Variants in CNTN1 observed in about 807,000 individuals in gnomAD.
The protein encoded by CNTN1 is contactin-1.
In CNTN1, 38 loss-of-function variants were observed where a neutral mutation model predicts 126.4. The observed-to-expected ratio is 0.30, with a 90% CI of 0.23 to 0.39. The LOEUF (loss-of-function observed/expected upper bound fraction) is 0.39. Ranked by LOEUF, CNTN1 falls within the 10% of genes least tolerant of loss-of-function variation. CNTN1 has a pLI of 1.00. For missense variants in CNTN1, 1,009 were observed against 1,248.4 expected, an observed-to-expected ratio of 0.81 and a Z score of 2.89; for synonymous variants, 413 against 422.6, an observed-to-expected ratio of 0.98 and a Z score of 0.28.
At chr12:40,745,741 A>T (rs937452503) in intron 1 of CNTN1, among the ~76,000 whole-genome samples, 1 of 152,162 alleles carries the variant, frequency 6.6e-6, no homozygotes, top group Non-Finnish European at 1.5e-5. Context: ...CCCACAGAAG[A>T]CAACTTTGCA....
chr12:40,695,370 T>C (rs1440302452), intron 1 of CNTN1, among the ~76,000 whole-genome samples: 2 of 152,200 alleles, frequency 1.3e-5, no homozygotes, highest in East Asian at 3.9e-4. Flanking sequence ...TATCTTTTCA[T>C]AGAATGACTC....
intron 1 of CNTN1, among the ~76,000 whole-genome samples, chr12:40,840,951 A>G (rs1942252942): frequency 6.6e-6 from 1 of 151,928 alleles, no homozygotes; most frequent in Non-Finnish European, 1.5e-5. Context: ...AAAAATAAAA[A>G]TGAGACCAGA....
At chr12:40,790,977 GT>G (rs1184843339) in intron 1 of CNTN1, among the ~76,000 whole-genome samples, 2 of 152,108 alleles carry the variant, frequency 1.3e-5, no homozygotes, top group Non-Finnish European at 2.9e-5. Context: ...CTCAGCCACA[GT>G]TTGTAAAAGA....
intron 1 of CNTN1, among the ~76,000 whole-genome samples, chr12:40,790,388 T>G (rs1206513301): frequency 6.6e-6 from 1 of 152,112 alleles, no homozygotes; most frequent in Non-Finnish European, 1.5e-5. Flanking sequence ...ATATGATCAC[T>G]TCATTCTACC....
At chr12:40,948,932 G>A (rs1350240713) in intron 14 of CNTN1, among the ~76,000 whole-genome samples, 1 of 152,170 alleles carries the variant, frequency 6.6e-6, no homozygotes, top group African/African-American at 2.4e-5. Context: ...CTGTAGACAG[G>A]TATGCTAGGT....
At chr12:40,904,958 C>T (rs900235593) in intron 1 of CNTN1, among the ~76,000 whole-genome samples, 8 of 152,212 alleles carry the variant, frequency 5.3e-5, no homozygotes, top group Non-Finnish European at 1.0e-4. Flanking sequence ...TTTGCATGCA[C>T]AACTTTATGC....
At chr12:41,036,556 C>A (rs1003865288) in intron 23 of CNTN1, among the ~76,000 whole-genome samples, 20 of 152,020 alleles carry the variant, frequency 1.3e-4, no homozygotes, top group African/African-American at 4.6e-4. Context: ...AATTATAGAA[C>A]AAAAGCTCCA....
intron 23 of CNTN1, among the ~76,000 whole-genome samples, chr12:41,044,649 T>C (rs992073982): frequency 1.3e-5 from 2 of 152,074 alleles, no homozygotes; most frequent in African/African-American, 2.4e-5. Context: ...CTGGAAAGAA[T>C]ATTGCTGAAG....
In CNTN1 at chr12:40,908,350, G is replaced by A; in HGVS notation, c.-76-7G>A. 13 of 879,416 alleles carry A rather than the reference G, an allele frequency of 1.5e-5. No individual in the cohort carries two copies. The South Asian group carries it at 1.9e-4, about 13-fold the overall frequency. 54.5% of individuals were successfully genotyped at this position (879,416 alleles called of 1,614,324 possible). ...TTTCCTTCTTCTTCTTTTCTTTCTTGATGCAGGTGTTTAAAATTATCCAAC... is the reference window on the plus strand; with the variant it reads ...TTTCCTTCTTCTTCTTTTCTTTCTTAATGCAGGTGTTTAAAATTATCCAAC... On this transcript the variant is annotated splice_region_variant and splice_polypyrimidine_tract_variant and intron_variant, in intron 1 of 23. Transcript: ENST00000551295.
rs142755965 is a variant in CNTN1, at chr12:40,922,306, T to C, written c.278T>C (p.Met93Thr). The change falls in exon 5 of 24, where the codon ATG becomes ACG. Residue 93 changes from methionine (M) to threonine (T), a missense_variant. Physicochemically the swap from Met to Thr is moderately conservative, Grantham distance 81. Coordinates refer to ENST00000551295, the MANE Select transcript of CNTN1 (RefSeq NM_001843.4). ...GATCTCACAAGTGATCGATACAGTA[T>C]GGTAGGAGGAAACCTTGTTATCAAC... ...DVDLTSDRYS[M>T]VGGNLVINNP... 176 of 1,614,048 alleles carry C rather than the reference T, an allele frequency of 1.1e-4. No individual in the cohort carries two copies. The African/African-American group carries it at 2.1e-3, about 19-fold the overall frequency.
At chr12:40,825,105 G>T (rs550131136) in intron 1 of CNTN1, among the ~76,000 whole-genome samples, 6 of 152,162 alleles carry the variant, frequency 3.9e-5, no homozygotes, top group Non-Finnish European at 8.8e-5. Context: ...TTCCTTGTGT[G>T]TAGAAGGTAC....
Position 40,711,720 on chromosome 12 carries a change from C to CT in CNTN1, c.-77+19135dup. Among the ~76,000 whole-genome samples the CT allele has an allele frequency of 2.0e-5, 3 of 151,928 alleles. 1 individual carries two copies. The highest frequency in any genetic ancestry group is 7.2e-5 in the African/African-American group (3 of 41,440). The stretch of plus-strand genomic sequence containing the variant: ...TCTTCCTACTCTTCCACCTTTTCTT[C>CT]TTTTTTTAAGAGACAGGATCTTGCT... On this transcript the variant is annotated intron_variant, in intron 1 of 23. Coordinates refer to ENST00000551295, the MANE Select transcript of CNTN1 (RefSeq NM_001843.4).
At chr12:41,040,354 A>G (rs1797980) in intron 23 of CNTN1, among the ~76,000 whole-genome samples, 7,713 of 152,254 alleles carry the variant, frequency 0.051, 472 homozygotes, top group Admixed American at 0.14. Context: ...TTAGCAAAGA[A>G]GCAGAGAGAG....
chr12:40,795,709 AT>A (rs1199379495), intron 1 of CNTN1, among the ~76,000 whole-genome samples: 6 of 152,060 alleles, frequency 3.9e-5, no homozygotes, highest in Non-Finnish European at 7.4e-5. Flanking sequence ...AGATTCTGTA[AT>A]TTTAAGCTCT....
chr12:40,918,311 A>G (rs1011801768), intron 3 of CNTN1, among the ~76,000 whole-genome samples: 4 of 152,160 alleles, frequency 2.6e-5, no homozygotes, highest in African/African-American at 9.7e-5. Flanking sequence ...TTTTGATAGG[A>G]CAAGAAAAGT....
chr12:40,848,148 A>AT (rs1479651738), intron 1 of CNTN1, among the ~76,000 whole-genome samples: 4 of 151,882 alleles, frequency 2.6e-5, no homozygotes, highest in Non-Finnish European at 5.9e-5. Flanking sequence ...CTCTACAAAT[A>AT]TTTTTTCTAG....
intron 7 of CNTN1, among the ~76,000 whole-genome samples, chr12:40,932,292 T>C (rs979819035): frequency 1.8e-4 from 28 of 152,048 alleles, no homozygotes; most frequent in African/African-American, 6.3e-4. Flanking sequence ...TCTCATGAGA[T>C]CTGATGGTTG....
At chr12:40,785,890 A>G (rs1235068089) in intron 1 of CNTN1, among the ~76,000 whole-genome samples, 3 of 152,130 alleles carry the variant, frequency 2.0e-5, no homozygotes, top group Admixed American at 6.6e-5. Flanking sequence ...TGGTGCTGTC[A>G]TGTATGAGGG....
chr12:40,755,432 A>AG (rs11382967), intron 1 of CNTN1, among the ~76,000 whole-genome samples: 149,808 of 151,910 alleles, frequency 0.99, 73,888 homozygotes, highest in Middle Eastern at 1. Context: ...GAAGAAAAAG[A>AG]GCTGGGCAAG....
Sources: gnomAD v4.1 joint callset for allele counts (sites outside exome capture counted in the v4.1 genomes callset) on GRCh38, gnomAD v4.1.1 for gene constraint, MANE v1.5 for transcripts, NCBI Gene and HGNC (gene_info 2026-07-23, HGNC 2026-07-21) for gene names.